Variants in CDH13 observed in about 807,000 individuals in gnomAD.
CDH13 encodes the protein cadherin 13.
In CDH13, 24 loss-of-function variants were observed where a neutral mutation model predicts 63.8. That is an observed-to-expected ratio of 0.38 (90% CI 0.27 to 0.53). CDH13 has a LOEUF of 0.53. Ranked by LOEUF, CDH13 falls within the 20% of genes least tolerant of loss-of-function variation. The pLI, the probability that CDH13 is intolerant of heterozygous loss-of-function variation, is 0.85. For synonymous variants in CDH13, 503 were observed against 355.3 expected, an observed-to-expected ratio of 1.42 and a Z score of -4.67; for missense variants, 1,049 against 903.1, an observed-to-expected ratio of 1.16 and a Z score of -2.07.
chr16:83,194,163 C>G (rs1283873326), intron 4 of CDH13, among the ~76,000 whole-genome samples: 1 of 152,196 alleles, frequency 6.6e-6, no homozygotes, highest in Non-Finnish European at 1.5e-5. Flanking sequence ...GTGTGACCTA[C>G]AGATAGCCTT....
intron 1 of CDH13, among the ~76,000 whole-genome samples, chr16:82,706,635 A>G (rs2031514240): frequency 1.3e-5 from 2 of 151,436 alleles, no homozygotes; most frequent in Non-Finnish European, 1.5e-5. Flanking sequence ...TCTCTACTAA[A>G]ACTAAAAAAA....
chr16:83,482,173 A>C (rs1420266769), intron 6 of CDH13, among the ~76,000 whole-genome samples: 4 of 152,202 alleles, frequency 2.6e-5, no homozygotes, highest in African/African-American at 9.6e-5. Context: ...GGCTCTGGTC[A>C]GTGTGGAATG....
intron 2 of CDH13, among the ~76,000 whole-genome samples, chr16:82,927,562 C>T (rs1008772182): frequency 2.0e-5 from 3 of 152,184 alleles, no homozygotes; most frequent in Non-Finnish European, 4.4e-5. Context: ...TATTTTTCTT[C>T]TTCTTTCTCT....
chr16:82,837,614 C>T (rs780486019), intron 1 of CDH13, among the ~76,000 whole-genome samples: 13 of 152,200 alleles, frequency 8.5e-5, no homozygotes, highest in African/African-American at 1.7e-4. Flanking sequence ...CCTCCCAATG[C>T]AGTCACACAG....
intron 7 of CDH13, among the ~76,000 whole-genome samples, chr16:83,523,602 T>C (rs534553957): frequency 6.6e-6 from 1 of 152,326 alleles, no homozygotes; most frequent in South Asian, 2.1e-4. Flanking sequence ...ATTCCTGAGT[T>C]GGATCTACTC....
intron 1 of CDH13, chr16:82,719,407 G>A (rs2032612360): frequency 2.2e-6 from 1 of 455,866 alleles, no homozygotes; most frequent in Admixed American, 2.4e-5. Context: ...CCTTCCACTG[G>A]CTGTCCAATG....
intron 6 of CDH13, among the ~76,000 whole-genome samples, chr16:83,430,364 A>G (rs926102733): frequency 2.0e-5 from 3 of 152,240 alleles, no homozygotes; most frequent in African/African-American, 7.2e-5. Flanking sequence ...GACTCCAAAG[A>G]CAGAAAACAG....
rs149574708 is a variant in CDH13, at chr16:82,644,842, G to T, written c.45+17705G>T. ...TCCCTGGTCAGTTTTCCAGCATAGC[G>T]TTTTGCAAAATGTGTTCTGAAGAGA... On this transcript the variant is annotated intron_variant, in intron 1 of 13. Transcript: ENST00000567109. The surrounding 1 kb of genome is among the most constrained non-coding windows in gnomAD (Gnocchi z 5.7). 6.6e-6 allele frequency among the ~76,000 whole-genome samples: 1 copy of T among 152,158 alleles called. No individual in the cohort carries two copies. Among genetic ancestry groups the T allele is most frequent in the Non-Finnish European group, 1.5e-5 (1 of 68,026 alleles).
chr16:83,541,381 T>C (rs143334666), intron 7 of CDH13, among the ~76,000 whole-genome samples: 2 of 152,330 alleles, frequency 1.3e-5, no homozygotes, highest in Admixed American at 1.3e-4. Context: ...GTCCCTCACA[T>C]TCCCACCAGC....
At chr16:83,071,979 C>T (rs996869725) in intron 3 of CDH13, among the ~76,000 whole-genome samples, 3 of 152,016 alleles carry the variant, frequency 2.0e-5, no homozygotes, top group Admixed American at 2.0e-4. Flanking sequence ...ATTTAAAGCA[C>T]ATATGCAATT....
chr16:83,153,484 G>C (rs534742506), intron 4 of CDH13, among the ~76,000 whole-genome samples: 1 of 152,204 alleles, frequency 6.6e-6, no homozygotes, highest in South Asian at 2.1e-4. Context: ...CTAATCCCCA[G>C]GCAAGAAAGA....
At chr16:82,872,563 G>A (rs1217703790) in intron 2 of CDH13, among the ~76,000 whole-genome samples, 1 of 151,560 alleles carries the variant, frequency 6.6e-6, no homozygotes, top group Non-Finnish European at 1.5e-5. Context: ...GAAAGCAGAA[G>A]TTCTTATTAT....
At chr16:83,416,602 A>C (rs2071557464) in intron 6 of CDH13, among the ~76,000 whole-genome samples, 1 of 152,336 alleles carries the variant, frequency 6.6e-6, no homozygotes, top group East Asian at 1.9e-4. Flanking sequence ...GCCTCCCAGA[A>C]GTACCACTTC....
At chr16:82,680,568 A>G (rs1914434338) in intron 1 of CDH13, among the ~76,000 whole-genome samples, 1 of 152,182 alleles carries the variant, frequency 6.6e-6, no homozygotes, top group African/African-American at 2.4e-5. Context: ...AATATGCTTC[A>G]GTGACTGAGT....
chr16:83,410,201 C>A (rs572987411), intron 6 of CDH13, among the ~76,000 whole-genome samples: 2 of 152,154 alleles, frequency 1.3e-5, no homozygotes, highest in Non-Finnish European at 2.9e-5. Context: ...TGGAATTCAG[C>A]ATCTGTGTCT....
chr16:82,852,436 A>G (rs1412825068), intron 1 of CDH13, among the ~76,000 whole-genome samples: 1 of 152,150 alleles, frequency 6.6e-6, no homozygotes, highest in African/African-American at 2.4e-5. Flanking sequence ...CCACCTTGGG[A>G]GTCCTTCCTT....
chr16:83,716,313 G>C (rs549853788), intron 10 of CDH13, among the ~76,000 whole-genome samples: 1 of 152,192 alleles, frequency 6.6e-6, no homozygotes, highest in South Asian at 2.1e-4. Flanking sequence ...GTTCCCTTTT[G>C]GTGTTGGAAA....
rs116113685 is a variant in CDH13 at position 83,724,558 on chromosome 16, T to C, written c.1539-23550T>C. On this transcript the variant is annotated intron_variant, in intron 10 of 13. Transcript: ENST00000567109. The stretch of plus-strand genomic sequence containing the variant: ...GATGAATGATGAATGCATGAATGGA[T>C]GGATACATGGATGGATGAAGTTGTA... Among the ~76,000 whole-genome samples the C allele has an allele frequency of 4.0e-3, 599 of 150,574 alleles. 9 individuals carry two copies. The highest frequency in any genetic ancestry group is 0.014 in the African/African-American group (581 of 41,398).
At chr16:82,807,088 CTTT>C (rs11327303) in intron 1 of CDH13, among the ~76,000 whole-genome samples, 1 of 139,256 alleles carries the variant, frequency 7.2e-6, no homozygotes, top group Non-Finnish European at 1.6e-5. Context: ...GGGATCATGC[CTTT>C]TTTTTTTTTT....
Sources: gnomAD v4.1 joint callset for allele counts (sites outside exome capture counted in the v4.1 genomes callset) on GRCh38, gnomAD v4.1.1 for gene constraint, Gnocchi (gnomAD v3.1) non-coding constraint, MANE v1.5 for transcripts, NCBI Gene and HGNC (gene_info 2026-07-23, HGNC 2026-07-21) for gene names.